The following NPAS3 variants were observed in gnomAD, a reference collection of about 807,000 sequenced individuals.
NPAS3 encodes the protein neuronal PAS domain protein 3.
NPAS3 carries 14 observed loss-of-function variants against 73.1 expected under a neutral mutation model. The ratio of observed to expected loss-of-function variants is 0.19; its 90% CI spans 0.13 to 0.30. The LOEUF (loss-of-function observed/expected upper bound fraction) is 0.30. Among genes scored for constraint, NPAS3 ranks in the 10% least tolerant of loss-of-function variants. NPAS3 has a pLI of 1.00. For synonymous variants in NPAS3, 620 were observed against 541.5 expected (o/e 1.14, Z -2.01); for missense variants, 1,096 against 1,250.0 (o/e 0.88, Z 1.86).
chr14:33,131,504 T>C (rs2043632744), intron 2 of NPAS3, among the ~76,000 whole-genome samples: 1 of 152,142 alleles, frequency 6.6e-6, no homozygotes, highest in Non-Finnish European at 1.5e-5. Flanking sequence ...TTATTTTACA[T>C]GTACAGTATT....
intron 3 of NPAS3, among the ~76,000 whole-genome samples, chr14:33,343,742 A>G (rs889239708): frequency 2.0e-5 from 3 of 152,234 alleles, no homozygotes; most frequent in African/African-American, 7.2e-5. Context: ...CAAATAACAG[A>G]ATACGTAACA....
At chr14:32,965,654 C>A (rs1317011115) in intron 1 of NPAS3, among the ~76,000 whole-genome samples, 4 of 152,138 alleles carry the variant, frequency 2.6e-5, no homozygotes, top group African/African-American at 9.7e-5. Context: ...TGGAACAAGG[C>A]AAGGATGCCC....
intron 2 of NPAS3, among the ~76,000 whole-genome samples, chr14:33,199,370 A>T (rs978049756): frequency 6.6e-6 from 1 of 152,252 alleles, no homozygotes; most frequent in Admixed American, 6.5e-5. Context: ...AAGGTCTAGG[A>T]TTCTCTTTTA....
intron 4 of NPAS3, among the ~76,000 whole-genome samples, chr14:33,531,414 A>G (rs1366979685): frequency 6.6e-6 from 1 of 152,100 alleles, no homozygotes; most frequent in Non-Finnish European, 1.5e-5. Context: ...TTATAATTGT[A>G]TCTTTATGAG....
intron 6 of NPAS3, among the ~76,000 whole-genome samples, chr14:33,703,444 T>A (rs73257042): frequency 2.6e-5 from 4 of 152,106 alleles, no homozygotes; most frequent in Non-Finnish European, 5.9e-5. Context: ...CAGTGAGCCA[T>A]GATCATACTG....
intron 4 of NPAS3, among the ~76,000 whole-genome samples, chr14:33,502,431 G>A (rs1359409689): frequency 6.6e-6 from 1 of 151,838 alleles, no homozygotes; most frequent in Non-Finnish European, 1.5e-5. Flanking sequence ...GCTGCTCTTC[G>A]TTGGGGAGAG....
intron 4 of NPAS3, among the ~76,000 whole-genome samples, chr14:33,519,394 C>T (rs1321210371): frequency 2.0e-5 from 3 of 152,086 alleles, no homozygotes; most frequent in African/African-American, 7.2e-5. Context: ...TCTCATTACA[C>T]TCAAACATTA....
chr14:33,645,526 T>C (rs1403909596), intron 5 of NPAS3, among the ~76,000 whole-genome samples: 7 of 152,210 alleles, frequency 4.6e-5, no homozygotes, highest in Admixed American at 4.6e-4. Flanking sequence ...CTAAATTATC[T>C]CTAAATAGAC....
chr14:33,397,184 C>T (rs1258996131), intron 4 of NPAS3, among the ~76,000 whole-genome samples: 1 of 152,100 alleles, frequency 6.6e-6, no homozygotes, highest in Non-Finnish European at 1.5e-5. Context: ...TCCAAAATCT[C>T]CCCTTGACTT....
At chr14:32,997,999 C>T (rs2038652944) in intron 1 of NPAS3, among the ~76,000 whole-genome samples, 1 of 152,118 alleles carries the variant, frequency 6.6e-6, no homozygotes, top group South Asian at 2.1e-4. Flanking sequence ...ATAGAATTAC[C>T]TTCGTACCCA....
At chr14:33,014,889 C>T (rs778072798) in intron 1 of NPAS3, among the ~76,000 whole-genome samples, 20 of 152,176 alleles carry the variant, frequency 1.3e-4, no homozygotes, top group Non-Finnish European at 2.4e-4. Context: ...GAGCATGAGG[C>T]CGGGCCTTCG....
chr14:33,577,633 A>T (rs1162433634), intron 5 of NPAS3, among the ~76,000 whole-genome samples: 3 of 152,198 alleles, frequency 2.0e-5, no homozygotes, highest in African/African-American at 7.2e-5. Context: ...AGAGGCCGTC[A>T]TCCAGTACTG....
chr14:33,741,306 T>C (rs913514818), intron 7 of NPAS3, among the ~76,000 whole-genome samples: 1 of 152,166 alleles, frequency 6.6e-6, no homozygotes, highest in African/African-American at 2.4e-5. Flanking sequence ...GTCAAATCAA[T>C]AGGTGAATTT....
At chr14:33,405,960 A>G (rs955136943) in intron 4 of NPAS3, among the ~76,000 whole-genome samples, 1 of 152,114 alleles carries the variant, frequency 6.6e-6, no homozygotes, top group African/African-American at 2.4e-5. Flanking sequence ...TGAGGGGAAA[A>G]AAGCGGTTAA....
chr14:33,349,125 T>C (rs937144270), intron 3 of NPAS3, among the ~76,000 whole-genome samples: 1 of 152,234 alleles, frequency 6.6e-6, no homozygotes, highest in Non-Finnish European at 1.5e-5. Context: ...GGGGATTAAC[T>C]ATGGCTTTTC....
intron 2 of NPAS3, among the ~76,000 whole-genome samples, chr14:33,126,797 C>T (rs1348552009): frequency 6.6e-6 from 1 of 152,116 alleles, no homozygotes; most frequent in African/African-American, 2.4e-5. Flanking sequence ...CTCCACTTAC[C>T]ACTCATGTTG....
Position 33,471,566 on chromosome 14 carries a change from G to T in NPAS3, c.469-88555G>T, listed in dbSNP as rs993727390. On this transcript the variant is annotated intron_variant, in intron 4 of 11. Coordinates refer to ENST00000356141, the Ensembl canonical transcript of NPAS3. ...AACATGAAGGAGATGGACTAGATAA[G>T]TTTCTAAGATTACTTTCAAGTCTAA... is the stretch of plus-strand genomic sequence containing the variant. Among the ~76,000 whole-genome samples the T allele has an allele frequency of 3.9e-5, 6 of 152,138 alleles. No homozygotes were observed. The South Asian group carries it at 8.3e-4, about 21-fold the overall frequency.
At chr14:33,146,954 C>A (rs2044256388) in intron 2 of NPAS3, among the ~76,000 whole-genome samples, 1 of 152,154 alleles carries the variant, frequency 6.6e-6, no homozygotes, top group Non-Finnish European at 1.5e-5. Context: ...TTTCAAGGAA[C>A]CTTGCTACAT....
intron 6 of NPAS3, among the ~76,000 whole-genome samples, chr14:33,679,387 C>G (rs1379895285): frequency 6.6e-6 from 1 of 152,196 alleles, no homozygotes; most frequent in South Asian, 2.1e-4. Flanking sequence ...AAGGGAATTA[C>G]TTAAAAAGTT....
Sources: gnomAD v4.1 joint callset for allele counts (sites outside exome capture counted in the v4.1 genomes callset) on GRCh38, gnomAD v4.1.1 for gene constraint, MANE v1.5 for transcripts, NCBI Gene and HGNC (gene_info 2026-07-23, HGNC 2026-07-21) for gene names.